The following DISC1 variants were observed in gnomAD, a reference collection of about 807,000 sequenced individuals.
DISC1 encodes DISC1 scaffold protein.
In DISC1, 57 loss-of-function variants were observed where a neutral mutation model predicts 84.5. The ratio of observed to expected loss-of-function variants is 0.67; its 90% CI spans 0.55 to 0.84. The LOEUF is 0.84. Among genes scored for constraint, DISC1 ranks in the 40% least tolerant of loss-of-function variants. DISC1 has a pLI of 0.00. For synonymous variants in DISC1, 411 were observed against 415.2 expected, an observed-to-expected ratio of 0.99 and a Z score of 0.12; for missense variants, 1,000 against 1,057.8, an observed-to-expected ratio of 0.95 and a Z score of 0.76.
intron 9 of DISC1, among the ~76,000 whole-genome samples, chr1:231,881,687 T>G (rs968114948): frequency 2.0e-5 from 3 of 152,142 alleles, no homozygotes; most frequent in Non-Finnish European, 4.4e-5. Context: ...TCCTTCACCA[T>G]GCACTGGGGC....
chr1:231,973,703 C>T (rs1361228472), intron 10 of DISC1, among the ~76,000 whole-genome samples: 1 of 152,222 alleles, frequency 6.6e-6, no homozygotes, highest in Non-Finnish European at 1.5e-5. Context: ...ATAGGTTTCC[C>T]TCCGCATGCC....
At chr1:231,955,109 T>G (rs1659199078) in intron 9 of DISC1, among the ~76,000 whole-genome samples, 1 of 152,250 alleles carries the variant, frequency 6.6e-6, no homozygotes, top group Admixed American at 6.5e-5. Flanking sequence ...AATATGGCTT[T>G]CTTTTCTTCA....
intron 12 of DISC1, among the ~76,000 whole-genome samples, chr1:232,028,149 T>G (rs1669652467): frequency 6.6e-6 from 1 of 152,212 alleles, no homozygotes; most frequent in Non-Finnish European, 1.5e-5. Context: ...TATTCCATGT[T>G]CATGGGATCA....
intron 9 of DISC1, among the ~76,000 whole-genome samples, chr1:231,832,394 A>C (rs200938501): frequency 6.7e-6 from 1 of 149,974 alleles, no homozygotes; most frequent in Non-Finnish European, 1.5e-5. Flanking sequence ...TTCTGACCTC[A>C]CTAACCATGC....
intron 3 of DISC1, among the ~76,000 whole-genome samples, chr1:231,732,274 A>AT (rs1049425899): frequency 1.3e-5 from 2 of 152,150 alleles, no homozygotes; most frequent in African/African-American, 4.8e-5. Context: ...CGCATCATGA[A>AT]TTTTTTTACA....
chr1:231,741,866 C>T (rs1334352060), intron 3 of DISC1, among the ~76,000 whole-genome samples: 10 of 152,348 alleles, frequency 6.6e-5, no homozygotes, highest in East Asian at 5.8e-4. Context: ...TCACCACCTG[C>T]GCTTTCATTT....
chr1:231,814,210 C>T (rs138124034), intron 8 of DISC1, among the ~76,000 whole-genome samples: 3 of 152,156 alleles, frequency 2.0e-5, no homozygotes, highest in African/African-American at 7.2e-5. Context: ...GGGTGATGTT[C>T]GAGTTGGAAA....
intron 3 of DISC1, among the ~76,000 whole-genome samples, chr1:231,729,711 T>G (rs865926516): frequency 1.2e-3 from 179 of 148,890 alleles, no homozygotes; most frequent in Middle Eastern, 6.8e-3. Context: ...CCTCTAGGGT[T>G]TTTTTTTTTT....
At chr1:231,972,453 T>C (rs1326099817) in intron 10 of DISC1, among the ~76,000 whole-genome samples, 1 of 152,202 alleles carries the variant, frequency 6.6e-6, no homozygotes, top group African/African-American at 2.4e-5. Context: ...GGAATGAATA[T>C]GGCCCCATCT....
chr1:231,652,643 A>G (rs2060730452), intron 1 of DISC1, among the ~76,000 whole-genome samples: 1 of 152,222 alleles, frequency 6.6e-6, no homozygotes, highest in Non-Finnish European at 1.5e-5. Context: ...ACATCCTTCT[A>G]GAAGGTTCAC....
intron 8 of DISC1, among the ~76,000 whole-genome samples, chr1:231,814,192 G>T (rs1002207014): frequency 9.9e-5 from 15 of 152,164 alleles, no homozygotes; most frequent in African/African-American, 3.6e-4. Context: ...TTAAAAGGAA[G>T]TGTTCTGGGG....
chr1:231,781,783 C>G (rs1326297530), intron 6 of DISC1, among the ~76,000 whole-genome samples: 1 of 152,150 alleles, frequency 6.6e-6, no homozygotes, highest in East Asian at 1.9e-4. Flanking sequence ...GTATGTCAGG[C>G]TAAACTCTTC....
rs577788076 is a variant in DISC1 at position 231,917,743 on chromosome 1, C to T, written c.1982-41085C>T. Among the ~76,000 whole-genome samples, 3 of 152,334 alleles carry T rather than the reference C, an allele frequency of 2.0e-5. No individual in the cohort carries two copies. In the South Asian group the frequency reaches 6.2e-4, roughly 32 times the overall value. ...AGAGAGCCTGCCCCTCACTGTTCTT[C>T]CCCGCCTTAAAGGACATAATCTAAC... On this transcript the variant is annotated intron_variant, in intron 9 of 12. Coordinates refer to ENST00000439617, the MANE Select transcript of DISC1 (RefSeq NM_018662.3).
intron 6 of DISC1, among the ~76,000 whole-genome samples, chr1:231,779,011 G>A (rs1471663468): frequency 6.6e-6 from 1 of 152,058 alleles, no homozygotes. Flanking sequence ...AGAACTGATG[G>A]AACAGACTCT....
intron 9 of DISC1, among the ~76,000 whole-genome samples, chr1:231,836,600 G>A (rs1461608806): frequency 6.6e-6 from 1 of 152,146 alleles, no homozygotes; most frequent in Non-Finnish European, 1.5e-5. Flanking sequence ...CAGCTGTTGG[G>A]AGTCATTCTC....
At chr1:231,723,983 C>CTGTA in intron 3 of DISC1, 1 of 985,430 alleles carries the variant, frequency 1.0e-6, no homozygotes, top group Non-Finnish European at 1.2e-6. Context: ...CACCATGACC[C>CTGTA]TGTATATACA....
chr1:231,898,279 C>T (rs562453046), intron 9 of DISC1, among the ~76,000 whole-genome samples: 1 of 152,160 alleles, frequency 6.6e-6, no homozygotes, highest in Admixed American at 6.5e-5. Flanking sequence ...ATATAACATA[C>T]TGATTCTAGG....
rs770939443 is a variant in DISC1, at chr1:231,818,507, G to A, written c.1971G>A (p.Glu657=). The part of the protein sequence containing the change: ...NRLRREVEHQ[E]TAYETSVKEN... ...TGAGAAGAGAAGTGGAGCACCAGGA[G>A]ACTGCCTATGGTAGGTAGTGCACAA... is the stretch of plus-strand genomic sequence containing the variant. Residue 657 remains glutamate, a synonymous_variant, in exon 9 of 13, where the codon GAG becomes GAA. Coordinates refer to ENST00000439617, the MANE Select transcript of DISC1 (RefSeq NM_018662.3). 18 of 1,614,116 alleles carry A rather than the reference G, an allele frequency of 1.1e-5. No individual in the cohort carries two copies. The highest frequency in any genetic ancestry group is 1.5e-5 in the Non-Finnish European group (18 of 1,179,986).
chr1:231,860,963 T>A (rs7549664), intron 9 of DISC1, among the ~76,000 whole-genome samples: 75,870 of 152,080 alleles, frequency 0.5, 19,679 homozygotes, highest in Admixed American at 0.6. Flanking sequence ...CAGTTGAAGA[T>A]GATTCTGTCC....
Sources: gnomAD v4.1 joint callset for allele counts (sites outside exome capture counted in the v4.1 genomes callset) on GRCh38, gnomAD v4.1.1 for gene constraint, MANE v1.5 for transcripts, NCBI Gene and HGNC (gene_info 2026-07-23, HGNC 2026-07-21) for gene names.